Variants in NUP210L observed in about 807,000 individuals in gnomAD.
NUP210L encodes nuclear pore membrane glycoprotein 210-like.
Under a neutral mutation model 208.5 loss-of-function variants are expected in NUP210L, and 74 were observed. The ratio of observed to expected loss-of-function variants is 0.35; its 90% CI spans 0.29 to 0.43. The LOEUF is 0.43. Ranked by LOEUF, NUP210L falls within the 20% of genes least tolerant of loss-of-function variation. The pLI is 1.00. For missense variants in NUP210L, 1,843 were observed against 2,289.4 expected (o/e 0.81, Z 3.98); for synonymous variants, 780 against 816.9 (o/e 0.95, Z 0.77).
intron 25 of NUP210L, among the ~76,000 whole-genome samples, chr1:154,049,542 A>C (rs1033194556): frequency 6.6e-6 from 1 of 152,214 alleles, no homozygotes; most frequent in African/African-American, 2.4e-5. Context: ...TGGATAGAAC[A>C]ATGGCCGTTA....
intron 32 of NUP210L, among the ~76,000 whole-genome samples, chr1:154,021,740 A>G (rs954009670): frequency 3.9e-5 from 6 of 152,154 alleles, no homozygotes; most frequent in Non-Finnish European, 8.8e-5. Flanking sequence ...CACTATCTAC[A>G]TAATATAAAA....
At chr1:154,011,141 G>A (rs1477076574) in intron 34 of NUP210L, among the ~76,000 whole-genome samples, 1 of 151,800 alleles carries the variant, frequency 6.6e-6, no homozygotes, top group African/African-American at 2.4e-5. Flanking sequence ...TGATGCATGA[G>A]GTTTCTCAAT....
Position 154,066,280 on chromosome 1 carries a change from C to T in NUP210L, c.2554+3993G>A, listed in dbSNP as rs1259211060. 3.9e-5 allele frequency among the ~76,000 whole-genome samples: 6 copies of T among 152,126 alleles called. No homozygotes were observed. In the South Asian group the frequency reaches 1.0e-3, roughly 26 times the overall value. On this transcript the variant is annotated intron_variant, in intron 17 of 39. Coordinates refer to ENST00000368559, the Ensembl canonical transcript of NUP210L. ...AGGCAAGAAATAACTAAGATCAGAG[C>T]AGAACTGAAGGAGATAGAGACACAA...
chr1:154,001,125 A>AG, intron 36 of NUP210L, 65 bp from the exon 37 acceptor site: 1 of 1,261,498 alleles, frequency 7.9e-7, no homozygotes, highest in Non-Finnish European at 1.1e-6. Flanking sequence ...AGTATGTTCC[A>AG]ATCTGAAACA....
chr1:154,101,983 C>A (rs1370951174), intron 13 of NUP210L, among the ~76,000 whole-genome samples: 1 of 151,988 alleles, frequency 6.6e-6, no homozygotes, highest in Non-Finnish European at 1.5e-5. Flanking sequence ...AACCCGGTCT[C>A]TACTAAAAAA....
At chr1:154,108,040 A>AAG (rs1327159779) in intron 12 of NUP210L, among the ~76,000 whole-genome samples, 7 of 152,240 alleles carry the variant, frequency 4.6e-5, no homozygotes, top group Non-Finnish European at 2.9e-5. Context: ...AGACTAAAAG[A>AAG]AGAACCTATA....
chr1:154,045,870 A>C (rs1158309767), intron 27 of NUP210L, among the ~76,000 whole-genome samples, 199 bp downstream of exon 27: 6 of 152,178 alleles, frequency 3.9e-5, no homozygotes, highest in Non-Finnish European at 8.8e-5. Flanking sequence ...CTGTGGTCCC[A>C]GCTACTCGGG....
At chr1:154,010,249 T>G in intron 34 of NUP210L, 128 bp from the exon 35 acceptor site, 2 of 766,508 alleles carry the variant, frequency 2.6e-6, no homozygotes, top group Non-Finnish European at 2.1e-6. Flanking sequence ...TATGGCTGGT[T>G]TGCCCACCTC....
At chr1:154,109,656 A>G (rs1043957898) in intron 12 of NUP210L, among the ~76,000 whole-genome samples, 1 of 151,616 alleles carries the variant, frequency 6.6e-6, no homozygotes, top group African/African-American at 2.4e-5. Flanking sequence ...TAGGTCCAAA[A>G]CAATTGTTCA....
rs150217027 is a variant in NUP210L, at chr1:153,996,486, A to G, written c.5387-1306T>C. On this transcript the variant is annotated intron_variant, in intron 37 of 39. Coordinates refer to ENST00000368559, the Ensembl canonical transcript of NUP210L. ...GCCCAGGCTGGAGTGCAGTGGCACCATCTCAACTCCCTGCAACCTCCGCCT... is the reference window on the plus strand; with the variant it reads ...GCCCAGGCTGGAGTGCAGTGGCACCGTCTCAACTCCCTGCAACCTCCGCCT... Among the ~76,000 whole-genome samples the G allele has an allele frequency of 1.9e-3, 284 of 150,772 alleles. 2 individuals carry two copies. The highest frequency in any genetic ancestry group is 6.5e-3 in the African/African-American group (269 of 41,092).
chr1:154,094,285 A>AAAC (rs937819045), intron 15 of NUP210L, among the ~76,000 whole-genome samples: 19 of 151,644 alleles, frequency 1.3e-4, no homozygotes, highest in African/African-American at 2.4e-4. Flanking sequence ...TCCATCTCAA[A>AAAC]AACAACAACA....
At chr1:154,085,083 C>T (rs796473245) in intron 16 of NUP210L, among the ~76,000 whole-genome samples, 32 of 141,204 alleles carry the variant, frequency 2.3e-4, no homozygotes, top group South Asian at 7.1e-4. Context: ...TGCAGTGGCT[C>T]ACTCCTGTAA....
intron 8 of NUP210L, among the ~76,000 whole-genome samples, chr1:154,128,703 G>T (rs1163657387): frequency 1.3e-5 from 2 of 151,984 alleles, no homozygotes; most frequent in Non-Finnish European, 2.9e-5. Flanking sequence ...ACAAAAATTA[G>T]CCAGGCATGG....
chr1:154,132,255 G>A (rs967291984), intron 7 of NUP210L, among the ~76,000 whole-genome samples: 2 of 152,086 alleles, frequency 1.3e-5, no homozygotes, highest in African/African-American at 4.8e-5. Context: ...AGGTGATTTT[G>A]TCTACAATAG....
chr1:154,066,656 G>GA (rs1553230755), intron 17 of NUP210L, among the ~76,000 whole-genome samples: 3 of 151,972 alleles, frequency 2.0e-5, no homozygotes, highest in Non-Finnish European at 4.4e-5. Context: ...CCAGGAGCTG[G>GA]TTTTTTTGAA....
At chr1:154,134,051 G>A (rs1481261222) in intron 7 of NUP210L, among the ~76,000 whole-genome samples, 7 of 151,376 alleles carry the variant, frequency 4.6e-5, no homozygotes, top group South Asian at 4.2e-4. Context: ...TTAGGAGGCC[G>A]AGGCAGGAGA....
chr1:154,036,943 T>G (rs1363473173), intron 27 of NUP210L, among the ~76,000 whole-genome samples: 2 of 151,516 alleles, frequency 1.3e-5, no homozygotes, highest in Non-Finnish European at 2.9e-5. Context: ...TTGTACTTTT[T>G]GAAGAAATGC....
At chr1:154,065,892 C>CAAAAAAAAAAAAAAAAA (rs58053478) in intron 17 of NUP210L, among the ~76,000 whole-genome samples, 1 of 61,120 alleles carries the variant, frequency 1.6e-5, no homozygotes, top group East Asian at 5.2e-4. Flanking sequence ...GACTCTGTCT[C>CAAAAAAAAAAAAAAAAA]AAAAAAAAAA....
At chr1:154,113,173 T>A (rs1356460481) in intron 12 of NUP210L, among the ~76,000 whole-genome samples, 4 of 146,930 alleles carry the variant, frequency 2.7e-5, no homozygotes, top group East Asian at 2.0e-4. Context: ...AAAAAATATA[T>A]ATATATATAT....
Sources: gnomAD v4.1 joint callset for allele counts (sites outside exome capture counted in the v4.1 genomes callset) on GRCh38, gnomAD v4.1.1 for gene constraint, MANE v1.5 for transcripts, NCBI Gene and HGNC (gene_info 2026-07-23, HGNC 2026-07-21) for gene names.